Variants in SYT1 observed in about 807,000 individuals in gnomAD.
SYT1 encodes the protein synaptotagmin 1, also known as synaptotagmin-1.
Under a neutral mutation model 44.8 loss-of-function variants are expected in SYT1, and 8 were observed. The observed-to-expected ratio is 0.18, with a 90% CI of 0.10 to 0.32. The LOEUF (loss-of-function observed/expected upper bound fraction) is 0.32, where lower values mean the gene tolerates loss of function less well. Among genes scored for constraint, SYT1 ranks in the 10% least tolerant of loss-of-function variants. SYT1 has a pLI of 1.00. For missense variants in SYT1, 286 were observed against 509.3 expected (o/e 0.56, Z 4.22); for synonymous variants, 154 against 188.8 (o/e 0.82, Z 1.51).
intron 1 of SYT1, among the ~76,000 whole-genome samples, chr12:78,885,365 A>AAGGAAGGG (rs1874686959): frequency 1.4e-5 from 2 of 146,082 alleles, no homozygotes; most frequent in Admixed American, 1.4e-4. Flanking sequence ...CGAAGGAAGG[A>AAGGAAGGG]AGGAAGGGAG....
rs1293641926 is a variant in SYT1 at position 79,449,222 on chromosome 12, T to G, written c.*98T>G. On this transcript the variant is annotated 3_prime_UTR_variant, in exon 11 of 11. Coordinates refer to ENST00000261205, the MANE Select transcript of SYT1 (RefSeq NM_005639.3). ...ATGGGTCCTTTCATTTTTCCAGCCA[T>G]GCATTCCTAACACAATTCAGTGGTA... 1.2e-5 allele frequency: 15 copies of G among 1,256,220 alleles called. No individual in the cohort carries two copies. The Admixed American group carries it at 3.4e-4, about 29-fold the overall frequency. 77.8% of individuals were successfully genotyped at this position (1,256,220 alleles called of 1,614,324 possible). A position where few individuals can be genotyped will look rare whatever the true frequency, so the allele number is the denominator to read the frequency against.
intron 3 of SYT1, among the ~76,000 whole-genome samples, chr12:79,104,829 G>C (rs1039992744): frequency 2.0e-5 from 3 of 152,084 alleles, no homozygotes; most frequent in Non-Finnish European, 4.4e-5. Context: ...GGGCCTTTTT[G>C]TGAGGTAGGG....
At chr12:79,369,214 G>T (rs1183752085) in intron 9 of SYT1, among the ~76,000 whole-genome samples, 1 of 152,178 alleles carries the variant, frequency 6.6e-6, no homozygotes, top group Non-Finnish European at 1.5e-5. Context: ...GGGCATGGTG[G>T]CTCATCCCTG....
chr12:79,273,085 G>A (rs539405099), intron 4 of SYT1, among the ~76,000 whole-genome samples: 1 of 151,820 alleles, frequency 6.6e-6, no homozygotes, highest in East Asian at 1.9e-4. Flanking sequence ...CAGCCACTTG[G>A]AGAGAGCAAA....
chr12:78,939,769 G>A (rs1344990344), intron 1 of SYT1, among the ~76,000 whole-genome samples: 1 of 152,174 alleles, frequency 6.6e-6, no homozygotes, highest in African/African-American at 2.4e-5. Context: ...TTGGCATCAT[G>A]AAACTATCTT....
At chr12:79,352,339 T>C (rs17214405) in intron 8 of SYT1, among the ~76,000 whole-genome samples, 5 of 152,170 alleles carry the variant, frequency 3.3e-5, no homozygotes, top group Non-Finnish European at 7.4e-5. Flanking sequence ...AGGGTATTAC[T>C]TGAAAGTGCC....
chr12:79,348,557 CTT>C (rs1882706401), intron 8 of SYT1, among the ~76,000 whole-genome samples: 1 of 152,200 alleles, frequency 6.6e-6, no homozygotes, highest in Non-Finnish European at 1.5e-5. Flanking sequence ...AAATGTAAAA[CTT>C]CTTGAAAGTC....
intron 1 of SYT1, among the ~76,000 whole-genome samples, chr12:78,884,329 T>C (rs1362528502): frequency 6.6e-6 from 1 of 151,574 alleles, no homozygotes; most frequent in Non-Finnish European, 1.5e-5. Context: ...ATCTACTGCT[T>C]TTGGTTAATG....
intron 9 of SYT1, among the ~76,000 whole-genome samples, chr12:79,359,257 C>T (rs1883229163): frequency 6.6e-6 from 1 of 152,166 alleles, no homozygotes; most frequent in Non-Finnish European, 1.5e-5. Flanking sequence ...GCTGAAATCA[C>T]ATGTAGCTAT....
chr12:79,066,641 G>GATAATTA (rs1875883887), intron 3 of SYT1, among the ~76,000 whole-genome samples: 1 of 152,146 alleles, frequency 6.6e-6, no homozygotes, highest in Non-Finnish European at 1.5e-5. Flanking sequence ...TACAAATGGG[G>GATAATTA]ATAATTAATA....
intron 1 of SYT1, among the ~76,000 whole-genome samples, chr12:78,868,117 T>C (rs1400947194): frequency 6.6e-6 from 1 of 151,892 alleles, no homozygotes; most frequent in Non-Finnish European, 1.5e-5. Flanking sequence ...TGAAATATAG[T>C]TCTTATGATT....
At chr12:78,984,176 A>C (rs1869481050) in intron 2 of SYT1, among the ~76,000 whole-genome samples, 1 of 151,870 alleles carries the variant, frequency 6.6e-6, no homozygotes, top group African/African-American at 2.4e-5. Flanking sequence ...TCCCTTTATT[A>C]CATCTTAGAT....
intron 8 of SYT1, among the ~76,000 whole-genome samples, chr12:79,317,136 CA>C (rs1881128582): frequency 6.6e-6 from 1 of 152,138 alleles, no homozygotes; most frequent in Non-Finnish European, 1.5e-5. Flanking sequence ...CCATTGTTTA[CA>C]GAACCGTTTA....
chr12:79,175,811 C>T (rs1214153531), intron 3 of SYT1, among the ~76,000 whole-genome samples: 2 of 152,022 alleles, frequency 1.3e-5, no homozygotes, highest in African/African-American at 4.8e-5. Context: ...CATATCTAAA[C>T]CACCCAAGAA....
intron 4 of SYT1, among the ~76,000 whole-genome samples, chr12:79,264,818 A>G (rs890181887): frequency 1.3e-5 from 2 of 152,154 alleles, no homozygotes; most frequent in Admixed American, 6.5e-5. Context: ...ACTTCAAAGA[A>G]CTATTCTTTA....
At chr12:79,210,878 A>G (rs2138533741) in intron 3 of SYT1, among the ~76,000 whole-genome samples, 1 of 152,178 alleles carries the variant, frequency 6.6e-6, no homozygotes, top group African/African-American at 2.4e-5. Flanking sequence ...ATATTGGTTA[A>G]ATATGTAGCT....
chr12:79,179,466 G>GATATATCCATATAGATATAGATATAATCT (rs1565842288), intron 3 of SYT1, among the ~76,000 whole-genome samples: 1 of 3,646 alleles, frequency 2.7e-4, no homozygotes, highest in Admixed American at 2.1e-3. Flanking sequence ...AATCTATATA[G>GATATATCCATATAGATATAGATATAATCT]ATATAGATAT....
At chr12:79,394,740 C>T (rs1264097300) in intron 9 of SYT1, among the ~76,000 whole-genome samples, 1 of 152,184 alleles carries the variant, frequency 6.6e-6, no homozygotes, top group Non-Finnish European at 1.5e-5. Context: ...CAGGTTTCTA[C>T]TGCAACATTT....
At chr12:79,218,774 CTT>C (rs1285522775) in intron 4 of SYT1, among the ~76,000 whole-genome samples, 1 of 152,138 alleles carries the variant, frequency 6.6e-6, no homozygotes, top group Non-Finnish European at 1.5e-5. Context: ...TGATAAGACA[CTT>C]GGGTTGATTC....
Sources: allele counts gnomAD v4.1 joint callset (sites outside exome capture counted in the v4.1 genomes callset), GRCh38; gene constraint gnomAD v4.1.1; transcripts MANE v1.5; gene names NCBI Gene and HGNC (gene_info 2026-07-23, HGNC 2026-07-21).